Variants in CDK6 observed in about 807,000 individuals in gnomAD.
CDK6 encodes the protein cyclin dependent kinase 6, also known as cyclin-dependent kinase 6.
In CDK6, 6 loss-of-function variants were observed where a neutral mutation model predicts 37.1. The observed-to-expected ratio is 0.16, with a 90% CI of 0.09 to 0.32. The LOEUF (loss-of-function observed/expected upper bound fraction) is 0.32. CDK6 is among the 10% of genes least tolerant of loss of function. CDK6 has a pLI of 1.00. For synonymous variants in CDK6, 160 were observed against 161.3 expected, an observed-to-expected ratio of 0.99 and a Z score of 0.06; for missense variants, 224 against 418.9, an observed-to-expected ratio of 0.53 and a Z score of 4.06.
At chr7:92,684,536 GT>G (rs1201762197) in intron 4 of CDK6, among the ~76,000 whole-genome samples, 1 of 152,114 alleles carries the variant, frequency 6.6e-6, no homozygotes, top group Non-Finnish European at 1.5e-5. Context: ...CGGGCACTGT[GT>G]GCACAGGCAT....
intron 3 of CDK6, among the ~76,000 whole-genome samples, chr7:92,732,794 T>C (rs1798682460): frequency 6.6e-6 from 1 of 152,220 alleles, no homozygotes; most frequent in Non-Finnish European, 1.5e-5. Context: ...TGCTCTCTGC[T>C]GTACTTCCTC....
intron 4 of CDK6, among the ~76,000 whole-genome samples, chr7:92,679,109 T>G (rs1372442962): frequency 1.3e-5 from 2 of 152,204 alleles, no homozygotes; most frequent in Non-Finnish European, 2.9e-5. Context: ...AAATCATGCC[T>G]GTGTCAAGAA....
At chr7:92,813,849 T>A (rs1227679182) in intron 2 of CDK6, among the ~76,000 whole-genome samples, 1 of 152,098 alleles carries the variant, frequency 6.6e-6, no homozygotes. Context: ...AGTTTCTCAA[T>A]GAGAAACATT....
intron 3 of CDK6, among the ~76,000 whole-genome samples, chr7:92,734,736 G>C (rs1381745221): frequency 2.0e-5 from 3 of 152,174 alleles, no homozygotes; most frequent in Non-Finnish European, 4.4e-5. Context: ...TTTGGATTAC[G>C]GGATAGGGAC....
Position 92,817,403 on chromosome 7 carries a change from A to G in CDK6, c.233+15688T>C, listed in dbSNP as rs1801057234. Among the ~76,000 whole-genome samples the G allele has an allele frequency of 2.0e-5, 3 of 151,932 alleles. No individual in the cohort carries two copies. The South Asian group carries it at 6.2e-4, about 31-fold the overall frequency. Reference sequence around the variant, plus strand: ...AGCACAATAACAGAGTTTTTAAAAAAATAATCAATTCAATTCTTCAGAAAA... The same window carrying G: ...AGCACAATAACAGAGTTTTTAAAAAGATAATCAATTCAATTCTTCAGAAAA... On this transcript the variant is annotated intron_variant, in intron 2 of 7. Transcript: ENST00000424848.
chr7:92,705,879 T>A (rs1284972072), intron 4 of CDK6, among the ~76,000 whole-genome samples: 1 of 152,236 alleles, frequency 6.6e-6, no homozygotes, highest in East Asian at 1.9e-4. Context: ...TACTCAGTTA[T>A]TAGTCTAGGT....
chr7:92,673,539 T>C (rs1455320144), intron 4 of CDK6, among the ~76,000 whole-genome samples: 9 of 152,198 alleles, frequency 5.9e-5, no homozygotes, highest in African/African-American at 2.2e-4. Context: ...CATATCTTTC[T>C]ATCAATGCAT....
chr7:92,719,832 G>C (rs1369423395), intron 4 of CDK6, among the ~76,000 whole-genome samples: 1 of 152,144 alleles, frequency 6.6e-6, no homozygotes, highest in Non-Finnish European at 1.5e-5. Flanking sequence ...GGAGTGGCTG[G>C]CTCTAACTGC....
At chr7:92,781,342 T>C (rs1323739353) in intron 2 of CDK6, among the ~76,000 whole-genome samples, 1 of 152,244 alleles carries the variant, frequency 6.6e-6, no homozygotes, top group South Asian at 2.1e-4. Flanking sequence ...GCTGTCCTAG[T>C]GATGTAATTA....
intron 5 of CDK6, among the ~76,000 whole-genome samples, chr7:92,670,231 T>C (rs2282986): frequency 0.049 from 7,401 of 152,304 alleles, 417 homozygotes; most frequent in East Asian, 0.33. Context: ...TTTGACACTA[T>C]ACTTGGCACA....
rs540365387 is a variant in CDK6, at chr7:92,727,278, T to C, written c.370-1485A>G. ...CATGGATTTCAGAGCTGGAAGGGGC[T>C]GTGAGGATACACTTATCATTGGCCG... On this transcript the variant is annotated intron_variant, in intron 3 of 7. Transcript: ENST00000424848. 5.3e-5 allele frequency among the ~76,000 whole-genome samples: 8 copies of C among 152,306 alleles called. No homozygotes were observed. In the South Asian group the frequency reaches 1.2e-3, roughly 24 times the overall value.
At chr7:92,769,654 A>G (rs1799663723) in intron 3 of CDK6, among the ~76,000 whole-genome samples, 1 of 152,224 alleles carries the variant, frequency 6.6e-6, no homozygotes. Context: ...TGATTTAGTA[A>G]AAGAGGGCAT....
Position 92,707,063 on chromosome 7 carries a change from T to C in CDK6, c.537+18563A>G, listed in dbSNP as rs543568994. ...TTAGTAATCTAAACTTTAGTAAAAG[T>C]GATTTCTAAGTAACTGATTAACAGT... On this transcript the variant is annotated intron_variant, in intron 4 of 7. Coordinates refer to ENST00000424848, the MANE Select transcript of CDK6 (RefSeq NM_001145306.2). Among the ~76,000 whole-genome samples the C allele has an allele frequency of 5.1e-4, 78 of 152,328 alleles. 2 individuals carry two copies. The highest frequency in any genetic ancestry group is 1.8e-3 in the African/African-American group (74 of 41,570).
intron 3 of CDK6, among the ~76,000 whole-genome samples, chr7:92,748,399 T>G (rs888329292): frequency 5.3e-5 from 8 of 152,326 alleles, no homozygotes; most frequent in Non-Finnish European, 7.3e-5. Flanking sequence ...AATTTTGATA[T>G]GCCAGTATTA....
At chr7:92,676,195 A>G (rs1797199406) in intron 4 of CDK6, among the ~76,000 whole-genome samples, 1 of 151,884 alleles carries the variant, frequency 6.6e-6, no homozygotes, top group Non-Finnish European at 1.5e-5. Context: ...CTAACTACAT[A>G]TTTGTAGATA....
At position 92,823,713 on chromosome 7, in the gene CDK6, TCAGA is replaced by T. The variant is rs1329300377; in HGVS notation, c.233+9374_233+9377del. ...GCTAAAACTCCCAACTTGAAACGAC[TCAGA>T]CAGTCTCTTGGGTTCTTCTAAAAAG... is the stretch of plus-strand genomic sequence containing the variant. On this transcript the variant is annotated intron_variant, in intron 2 of 7. Coordinates refer to ENST00000424848, the MANE Select transcript of CDK6 (RefSeq NM_001145306.2). 2.6e-5 allele frequency among the ~76,000 whole-genome samples: 4 copies of T among 152,070 alleles called. No individual in the cohort carries two copies. In the East Asian group the frequency reaches 5.8e-4, roughly 22 times the overall value.
rs1057082859 is a variant in CDK6 at position 92,833,982 on chromosome 7, G to A, written c.-367-292C>T. On this transcript the variant is annotated intron_variant, in intron 1 of 7. Coordinates refer to ENST00000424848, the MANE Select transcript of CDK6 (RefSeq NM_001145306.2). This position sits in a 1 kb window ranked among gnomAD's most constrained non-coding sequence, Gnocchi z 6.1. ...AGTGGAACGGGAGGGGGCGTGCCGAGCAGCCCAGAGTGTGCCGGGAGCGCG... is the reference window on the plus strand; with the variant it reads ...AGTGGAACGGGAGGGGGCGTGCCGAACAGCCCAGAGTGTGCCGGGAGCGCG... The A allele has an allele frequency of 1.0e-5, 4 of 398,344 alleles. No homozygotes were observed. Among genetic ancestry groups the A allele is most frequent in the Non-Finnish European group, 1.8e-5 (4 of 226,050 alleles). The allele number at this position is 398,344 out of a possible 1,614,324, so 24.7% of individuals were successfully genotyped here. A position where few individuals can be genotyped will look rare whatever the true frequency, so the allele number is the denominator to read the frequency against.
intron 3 of CDK6, among the ~76,000 whole-genome samples, chr7:92,761,302 CAT>C (rs1799451677): frequency 6.6e-6 from 1 of 152,126 alleles, no homozygotes; most frequent in South Asian, 2.1e-4. Context: ...CTCCTACACA[CAT>C]ATCTTTTGAA....
At chr7:92,717,439 A>G (rs73406758) in intron 4 of CDK6, among the ~76,000 whole-genome samples, 26,089 of 149,454 alleles carry the variant, frequency 0.17, 3,671 homozygotes, top group African/African-American at 0.39. Context: ...GGGAAGGAAG[A>G]AAGGAAGGGA....
Sources: gnomAD v4.1 joint callset for allele counts (sites outside exome capture counted in the v4.1 genomes callset) on GRCh38, gnomAD v4.1.1 for gene constraint, Gnocchi (gnomAD v3.1) non-coding constraint, MANE v1.5 for transcripts, NCBI Gene and HGNC (gene_info 2026-07-23, HGNC 2026-07-21) for gene names.